Variants in FRMPD4 observed in about 807,000 individuals in gnomAD.
The protein encoded by FRMPD4 is FERM and PDZ domain-containing protein 4.
In FRMPD4, 22 loss-of-function variants were observed where a neutral mutation model predicts 94.1. The ratio of observed to expected loss-of-function variants is 0.23; its 90% confidence interval spans 0.17 to 0.33. The LOEUF is 0.33. Ranked by LOEUF, FRMPD4 falls within the 10% of genes least tolerant of loss-of-function variation. FRMPD4 has a pLI of 1.00. For missense variants in FRMPD4, 1,111 were observed against 1,339.9 expected (o/e 0.83, Z 2.67); for synonymous variants, 631 against 548.6 (o/e 1.15, Z -2.10).
At chrX:12,216,556 T>C (rs1369904354) in intron 1 of FRMPD4, among the ~76,000 whole-genome samples, 2 of 111,558 alleles carry the variant, frequency 1.8e-5, no homozygotes, top group Non-Finnish European at 3.8e-5. Flanking sequence ...GGAATATCTA[T>C]TGGTGTGACT....
At chrX:11,932,633 T>C (rs1232699440) in intron 3 of FRMPD4, among the ~76,000 whole-genome samples, 1 of 110,060 alleles carries the variant, frequency 9.1e-6, no homozygotes, top group African/African-American at 3.3e-5. Flanking sequence ...AAGCAAGTAC[T>C]GTTCTACTGT....
At chrX:12,396,991 C>T (rs1238064679) in intron 1 of FRMPD4, among the ~76,000 whole-genome samples, 1 of 111,621 alleles carries the variant, frequency 9.0e-6, no homozygotes, top group East Asian at 2.8e-4. Flanking sequence ...TTCCCAGGTA[C>T]TGAGGAGGCC....
At chrX:11,952,604 CT>C (rs1038899404) in intron 3 of FRMPD4, among the ~76,000 whole-genome samples, 2 of 111,962 alleles carry the variant, frequency 1.8e-5, no homozygotes, top group Admixed American at 9.5e-5. Flanking sequence ...GTTTTTTGCC[CT>C]GATTTTTTGC....
chrX:12,204,182 A>G (rs767265611), intron 1 of FRMPD4, among the ~76,000 whole-genome samples: 20 of 112,359 alleles, frequency 1.8e-4, no homozygotes, highest in African/African-American at 6.1e-4. Context: ...GGGGAGTACT[A>G]CTGGCTTAGC....
At chrX:12,549,059 C>G (rs137971264) in intron 2 of FRMPD4, among the ~76,000 whole-genome samples, 2,599 of 111,243 alleles carry the variant, frequency 0.023, 30 homozygotes, top group Non-Finnish European at 0.03. Context: ...TCCTGTTCTC[C>G]CCTCTTTTCT....
intron 5 of FRMPD4, among the ~76,000 whole-genome samples, chrX:12,679,328 T>C (rs1004027016): frequency 6.3e-5 from 7 of 111,229 alleles, no homozygotes; most frequent in Admixed American, 5.7e-4. Flanking sequence ...TACTCACAGG[T>C]CCTAGAGAAA....
chrX:12,375,487 C>A (rs2056223896), intron 1 of FRMPD4, among the ~76,000 whole-genome samples: 1 of 112,184 alleles, frequency 8.9e-6, no homozygotes, highest in African/African-American at 3.2e-5. Flanking sequence ...GTGTCCCCTT[C>A]ATCTGCAAGC....
intron 1 of FRMPD4, among the ~76,000 whole-genome samples, chrX:11,856,484 G>T (rs1311011631): frequency 9.0e-6 from 1 of 110,606 alleles, no homozygotes; most frequent in African/African-American, 3.4e-5. Flanking sequence ...TACAGAAAAG[G>T]CTTTTGATAA....
At chrX:12,034,831 T>C (rs1001655613) in intron 3 of FRMPD4, among the ~76,000 whole-genome samples, 4 of 112,557 alleles carry the variant, frequency 3.6e-5, no homozygotes, top group Admixed American at 9.4e-5. Flanking sequence ...CATGCGTATG[T>C]GTGCGTGTAT....
chrX:12,022,726 T>G (rs1569144254), intron 3 of FRMPD4, among the ~76,000 whole-genome samples: 1 of 111,592 alleles, frequency 9.0e-6, no homozygotes, highest in East Asian at 2.8e-4. Context: ...CAACAATGTA[T>G]TTCTTCTACC....
intron 2 of FRMPD4, among the ~76,000 whole-genome samples, chrX:12,548,458 A>AG (rs2058501032): frequency 8.9e-6 from 1 of 112,246 alleles, no homozygotes. Context: ...CCGAAGTTAC[A>AG]TAGCTGCAAA....
intron 2 of FRMPD4, among the ~76,000 whole-genome samples, chrX:12,511,057 C>G (rs1336275770): frequency 1.8e-5 from 2 of 112,406 alleles, no homozygotes; most frequent in Non-Finnish European, 3.8e-5. Context: ...AGCATAGACA[C>G]AAACGCAGAG....
chrX:12,670,227 T>A (rs1368520602), intron 4 of FRMPD4, among the ~76,000 whole-genome samples: 5 of 112,497 alleles, frequency 4.4e-5, no homozygotes, highest in Non-Finnish European at 9.4e-5. Flanking sequence ...TCTTGTTTAC[T>A]GTTTTATTGT....
intron 4 of FRMPD4, among the ~76,000 whole-genome samples, chrX:12,652,724 C>G (rs189320472): frequency 8.9e-6 from 1 of 112,218 alleles, no homozygotes; most frequent in East Asian, 2.8e-4. Flanking sequence ...TGCCTGGAAA[C>G]TACAGATTAG....
At chrX:12,495,274 G>T (rs780215830) in intron 1 of FRMPD4, among the ~76,000 whole-genome samples, 24 of 111,871 alleles carry the variant, frequency 2.1e-4, no homozygotes, top group African/African-American at 7.1e-4. Context: ...ACCACCCAAA[G>T]TCCTATATTA....
rs1390020884 is a variant in FRMPD4 at position 12,113,277 on chromosome X, T to G, written c.95+235259T>G. Among the ~76,000 whole-genome samples the G allele has an allele frequency of 5.3e-5, 6 of 112,436 alleles. No homozygotes were observed. The Admixed American group carries it at 5.6e-4, about 11-fold the overall frequency. Reference sequence around the variant, plus strand: ...GTTATCTATAGCCCCTTGCACTTCTTGGTTACATGAATGTATTCATTTCCT... The same window carrying G: ...GTTATCTATAGCCCCTTGCACTTCTGGGTTACATGAATGTATTCATTTCCT... On this transcript the variant is annotated intron_variant, in intron 3 of 18. Transcript: ENST00000640291.
chrX:11,843,393 A>G (rs922471393), intron 1 of FRMPD4, among the ~76,000 whole-genome samples: 3 of 110,917 alleles, frequency 2.7e-5, no homozygotes, highest in Non-Finnish European at 5.7e-5. Context: ...TTTCTTTACT[A>G]TTAGTGTCAC....
chrX:12,170,107 A>G (rs1219834028), intron 1 of FRMPD4, among the ~76,000 whole-genome samples: 2 of 109,885 alleles, frequency 1.8e-5, no homozygotes, highest in African/African-American at 6.6e-5. Context: ...TGCCTCCAAG[A>G]TTTTCTTCCA....
At chrX:12,334,610 GAA>G (rs780511138) in intron 1 of FRMPD4, among the ~76,000 whole-genome samples, 5 of 97,943 alleles carry the variant, frequency 5.1e-5, no homozygotes, top group Admixed American at 3.3e-4. Context: ...CTTCATTGGT[GAA>G]AAAAAAAAAA....
Sources: allele counts gnomAD v4.1 joint callset (sites outside exome capture counted in the v4.1 genomes callset), GRCh38; gene constraint gnomAD v4.1.1; transcripts MANE v1.5; gene names NCBI Gene and HGNC (gene_info 2026-07-23, HGNC 2026-07-21).